The following ABCA13 variants were observed in gnomAD, a reference collection of about 807,000 sequenced individuals.
ABCA13 encodes ATP-binding cassette sub-family A member 13.
Under a neutral mutation model 478.7 loss-of-function variants are expected in ABCA13, and 476 were observed. The observed-to-expected ratio is 0.99, with a 90% CI of 0.92 to 1.07. ABCA13 has a LOEUF of 1.07. Ranked by LOEUF, ABCA13 falls within the 50% of genes least tolerant of loss-of-function variation. The pLI is 0.00. For missense variants in ABCA13, 6,060 were observed against 5,910.6 expected (o/e 1.03, Z -0.83); for synonymous variants, 2,252 against 2,158.9 (o/e 1.04, Z -1.20).
chr7:48,631,433 T>G (rs115035373), intron 59 of ABCA13, among the ~76,000 whole-genome samples: 1 of 152,148 alleles, frequency 6.6e-6, no homozygotes, highest in Non-Finnish European at 1.5e-5. Context: ...TGTTTATTTT[T>G]GTCAGCTTTG....
At chr7:48,263,399 G>T (rs1193570814) in intron 15 of ABCA13, among the ~76,000 whole-genome samples, 1 of 151,900 alleles carries the variant, frequency 6.6e-6, no homozygotes, top group African/African-American at 2.4e-5. Context: ...ATGGAGTGCA[G>T]TTTTATGATG....
chr7:48,272,343 C>T lies in ABCA13; in HGVS notation c.2677C>T (p.Arg893Cys), dbSNP rs534252499. 98 of 1,613,680 alleles carry T rather than the reference C, an allele frequency of 6.1e-5. No homozygotes were observed. Among genetic ancestry groups the T allele is most frequent in the Non-Finnish European group, 6.9e-5 (81 of 1,179,726 alleles). Reference sequence around the variant, plus strand: ...ACCAGCTATGAACATAGATTTTGTACGTTTAAGTGAGGCTATAATAACTAG... The same window carrying T: ...ACCAGCTATGAACATAGATTTTGTATGTTTAAGTGAGGCTATAATAACTAG... ...KSPAMNIDFVRLSEAIITSLH... is the reference protein window; with the variant it reads ...KSPAMNIDFVCLSEAIITSLH... The change falls in exon 17 of 62, where the codon CGT (arginine) becomes TGT (cysteine). Residue 893 changes from arginine (R) to cysteine (C), a missense_variant. Coordinates refer to ENST00000435803, the MANE Select transcript of ABCA13 (RefSeq NM_152701.5).
intron 29 of ABCA13, 61 bp downstream of exon 29, chr7:48,338,516 G>A: frequency 2.2e-6 from 3 of 1,374,730 alleles, no homozygotes; most frequent in South Asian, 2.9e-5. Context: ...CACTTGGGTG[G>A]GTCCTCCCCC....
chr7:48,292,869 G>T (rs1025986109), intron 20 of ABCA13, among the ~76,000 whole-genome samples: 2 of 152,136 alleles, frequency 1.3e-5, no homozygotes, highest in Non-Finnish European at 2.9e-5. Flanking sequence ...TGTCTCCTGT[G>T]TTCATAGCTC....
intron 51 of ABCA13, among the ~76,000 whole-genome samples, chr7:48,513,583 G>A (rs1476309120): frequency 6.6e-6 from 1 of 152,126 alleles, no homozygotes; most frequent in Non-Finnish European, 1.5e-5. Flanking sequence ...ACAAAGCATG[G>A]GGAAGCGGCC....
At chr7:48,327,150 A>G (rs1804457631) in intron 27 of ABCA13, among the ~76,000 whole-genome samples, 1 of 152,138 alleles carries the variant, frequency 6.6e-6, no homozygotes, top group East Asian at 1.9e-4. Context: ...AAACTGGGTA[A>G]TTTATAAAGG....
intron 39 of ABCA13, among the ~76,000 whole-genome samples, chr7:48,406,402 T>C (rs1401018991): frequency 1.3e-5 from 2 of 152,322 alleles, no homozygotes; most frequent in South Asian, 2.1e-4. Context: ...AGGGCACAGT[T>C]GTATGTGAAA....
At chr7:48,546,876 T>G (rs1412739531) in intron 55 of ABCA13, among the ~76,000 whole-genome samples, 1 of 151,850 alleles carries the variant, frequency 6.6e-6, no homozygotes, top group Non-Finnish European at 1.5e-5. Context: ...TCCTTTAGAC[T>G]AATATGAATC....
rs144570729 is a variant in ABCA13, at chr7:48,396,084, C to T, written c.11873+3945C>T. Among the ~76,000 whole-genome samples the T allele has an allele frequency of 3.3e-5, 5 of 152,326 alleles. No homozygotes were observed. The East Asian group carries it at 9.6e-4, about 29-fold the overall frequency. On this transcript the variant is annotated intron_variant, in intron 38 of 61. Coordinates refer to ENST00000435803, the MANE Select transcript of ABCA13 (RefSeq NM_152701.5). ...GTGCTAGGCTCCCACCAGGGCACTG[C>T]CGGCCTGTGCTCCTGCCCATGCTGG...
chr7:48,253,476 G>A (rs1249145939), intron 15 of ABCA13, among the ~76,000 whole-genome samples: 1 of 152,204 alleles, frequency 6.6e-6, no homozygotes, highest in African/African-American at 2.4e-5. Flanking sequence ...CACAATGAGT[G>A]TGACATTTTC....
intron 41 of ABCA13, among the ~76,000 whole-genome samples, chr7:48,418,088 GA>G (rs555908421): frequency 1.7e-3 from 254 of 152,300 alleles, no homozygotes; most frequent in Non-Finnish European, 2.9e-3. Context: ...TTCATCTACT[GA>G]AAGACATCTT....
chr7:48,283,519 G>A (rs1797328481), intron 19 of ABCA13, among the ~76,000 whole-genome samples: 1 of 152,022 alleles, frequency 6.6e-6, no homozygotes, highest in African/African-American at 2.4e-5. Context: ...TATCTTCCCA[G>A]GGTTTAGGAA....
At chr7:48,485,369 A>G (rs1240288813) in intron 47 of ABCA13, among the ~76,000 whole-genome samples, 1 of 152,096 alleles carries the variant, frequency 6.6e-6, no homozygotes, top group Non-Finnish European at 1.5e-5. Context: ...TCACTTCGTG[A>G]CTTATGGACT....
At chr7:48,361,162 G>A (rs904698408) in intron 31 of ABCA13, among the ~76,000 whole-genome samples, 8 of 151,556 alleles carry the variant, frequency 5.3e-5, no homozygotes, top group Non-Finnish European at 8.8e-5. Flanking sequence ...CCCCGCTCTA[G>A]TGGAGACTGC....
rs926637715 is a variant in ABCA13, at chr7:48,362,226, T to C, written c.10689-5568T>C. On this transcript the variant is annotated intron_variant, in intron 31 of 61. Coordinates refer to ENST00000435803, the MANE Select transcript of ABCA13 (RefSeq NM_152701.5). ...GGATAGGTAAATTATACTCCCTTAT[T>C]ACTTGGTTGTCCTTCTCTCTTTTTC... Among the ~76,000 whole-genome samples, 5 of 150,396 alleles carry C rather than the reference T, an allele frequency of 3.3e-5. 1 individual carries two copies. Among genetic ancestry groups the C allele is most frequent in the African/African-American group, 1.3e-4 (5 of 39,812 alleles).
At chr7:48,327,111 G>A (rs753553564) in intron 27 of ABCA13, among the ~76,000 whole-genome samples, 5 of 152,272 alleles carry the variant, frequency 3.3e-5, no homozygotes, top group African/African-American at 1.2e-4. Context: ...GTATTAGTCC[G>A]TCCTCACACT....
intron 48 of ABCA13, among the ~76,000 whole-genome samples, chr7:48,493,305 A>T (rs553544844): frequency 3.3e-5 from 5 of 152,318 alleles, no homozygotes; most frequent in Admixed American, 3.3e-4. Context: ...TAAAATAAAG[A>T]TAAATATGCA....
chr7:48,313,060 C>T lies in ABCA13; in HGVS notation c.9517-7C>T. 6.4e-7 allele frequency: 1 copy of T among 1,558,200 alleles called. No homozygotes were observed. The highest frequency in any genetic ancestry group is 8.7e-7 in the Non-Finnish European group (1 of 1,152,456). On this transcript the variant is annotated splice_polypyrimidine_tract_variant and splice_region_variant and intron_variant, in intron 24 of 61. Transcript: ENST00000435803. ...TCATGTTGTTTTGTTTTTGTTTTGT[C>T]CTTTAGACTCTGATGCCTTCTGAAG...
At chr7:48,576,753 A>G (rs2131347166) in intron 55 of ABCA13, among the ~76,000 whole-genome samples, 1 of 152,310 alleles carries the variant, frequency 6.6e-6, no homozygotes, top group African/African-American at 2.4e-5. Flanking sequence ...ACAGAAGGAC[A>G]CTAGAACTAA....
Sources: gnomAD v4.1 joint callset for allele counts (sites outside exome capture counted in the v4.1 genomes callset) on GRCh38, gnomAD v4.1.1 for gene constraint, MANE v1.5 for transcripts, NCBI Gene and HGNC (gene_info 2026-07-23, HGNC 2026-07-21) for gene names.